ROR2: variants seen among roughly 807,000 people sequenced by gnomAD.
ROR2 encodes the protein tyrosine-protein kinase transmembrane receptor ROR2.
In ROR2, 33 loss-of-function variants were observed where a neutral mutation model predicts 74.9. The ratio of observed to expected loss-of-function variants is 0.44; its 90% CI spans 0.33 to 0.59. The LOEUF (loss-of-function observed/expected upper bound fraction) is 0.59. Among genes scored for constraint, ROR2 ranks in the 20% least tolerant of loss-of-function variants. ROR2 has a pLI of 0.02. For synonymous variants in ROR2, 586 were observed against 558.7 expected (o/e 1.05, Z -0.69); for missense variants, 1,216 against 1,313.8 (o/e 0.93, Z 1.15).
chr9:91,803,980 G>A (rs1430722990), intron 1 of ROR2, among the ~76,000 whole-genome samples: 1 of 152,198 alleles, frequency 6.6e-6, no homozygotes, highest in African/African-American at 2.4e-5. Flanking sequence ...TCTCTTCTCT[G>A]GATGAAAAGA....
In ROR2 at chr9:91,741,192, C is replaced by T. The variant is rs1055790577; in HGVS notation, c.495-3674G>A. On this transcript the variant is annotated intron_variant, in intron 4 of 8. Transcript: ENST00000375708. ...GTGCACACCTGTAGTCCCAGCTACT[C>T]GGGAGGCTGAGGCAGGGGAATCGCT... 2.0e-5 allele frequency among the ~76,000 whole-genome samples: 3 copies of T among 151,642 alleles called. No homozygotes were observed. The South Asian group carries it at 6.3e-4, about 32-fold the overall frequency.
intron 2 of ROR2, among the ~76,000 whole-genome samples, chr9:91,769,291 G>A (rs1018965006): frequency 6.6e-5 from 10 of 152,234 alleles, no homozygotes; most frequent in East Asian, 3.9e-4. Context: ...CAAGCCTCCC[G>A]TGTCCTCGTA....
At chr9:91,809,373 GA>G (rs1827672051) in intron 1 of ROR2, among the ~76,000 whole-genome samples, 1 of 152,198 alleles carries the variant, frequency 6.6e-6, no homozygotes, top group South Asian at 2.1e-4. Context: ...AACCCACCAG[GA>G]ACAGTGGGCA....
chr9:91,904,021 T>C (rs537869004), intron 1 of ROR2, among the ~76,000 whole-genome samples: 16 of 150,014 alleles, frequency 1.1e-4, no homozygotes, highest in Non-Finnish European at 2.1e-4. Flanking sequence ...TCCTTTTTTT[T>C]GATTTTTTGT....
intron 1 of ROR2, among the ~76,000 whole-genome samples, chr9:91,869,913 T>C (rs1045902818): frequency 2.6e-5 from 4 of 152,228 alleles, no homozygotes; most frequent in Non-Finnish European, 5.9e-5. Flanking sequence ...CCTGTTAAAA[T>C]GTGTGTCTAT....
At chr9:91,737,680 T>C (rs993391315) in intron 4 of ROR2, among the ~76,000 whole-genome samples, 162 bp from the exon 5 acceptor site, 1 of 152,196 alleles carries the variant, frequency 6.6e-6, no homozygotes, top group Non-Finnish European at 1.5e-5. Flanking sequence ...CAAAAACCTG[T>C]ATGTAAATGT....
chr9:91,847,502 C>T (rs901053304), intron 1 of ROR2, among the ~76,000 whole-genome samples: 1 of 152,206 alleles, frequency 6.6e-6, no homozygotes, highest in Non-Finnish European at 1.5e-5. Flanking sequence ...GCAGTCCCCC[C>T]ACTTCCCACA....
intron 1 of ROR2, among the ~76,000 whole-genome samples, chr9:91,928,550 A>G (rs191267380): frequency 1.3e-5 from 2 of 152,248 alleles, no homozygotes; most frequent in South Asian, 2.1e-4. Context: ...CTCATGGGAG[A>G]GCAGAGTCTT....
In ROR2 at chr9:91,772,008, G is replaced by A. The variant is rs565480330; in HGVS notation, c.175+3733C>T. ...GTGATTAGGCCAAATGTGGCCAAGC[G>A]TGACATTCCCAGAAGCTCTATGAGC... On this transcript the variant is annotated intron_variant, in intron 2 of 8. Coordinates refer to ENST00000375708, the MANE Select transcript of ROR2 (RefSeq NM_004560.4). Among the ~76,000 whole-genome samples the A allele has an allele frequency of 8.5e-5, 13 of 152,346 alleles. No homozygotes were observed. In the East Asian group the frequency reaches 1.2e-3, roughly 14 times the overall value.
intron 1 of ROR2, among the ~76,000 whole-genome samples, chr9:91,892,858 G>A (rs962944510): frequency 6.6e-6 from 1 of 152,072 alleles, no homozygotes; most frequent in African/African-American, 2.4e-5. Context: ...CCAAAGTGCT[G>A]GGAATACAGG....
intron 4 of ROR2, among the ~76,000 whole-genome samples, chr9:91,746,948 C>T (rs1036099191): frequency 2.0e-5 from 3 of 152,148 alleles, no homozygotes; most frequent in South Asian, 2.1e-4. Flanking sequence ...CAGCAACACA[C>T]GCCAGCCAAG....
chr9:91,797,040 G>T (rs1405332177), intron 1 of ROR2, among the ~76,000 whole-genome samples: 1 of 107,166 alleles, frequency 9.3e-6, no homozygotes, highest in African/African-American at 3.9e-5. Flanking sequence ...ATCTGTGGAT[G>T]GGGCTGACAC....
chr9:91,946,779 T>A (rs1422759163), intron 1 of ROR2, among the ~76,000 whole-genome samples: 1 of 152,242 alleles, frequency 6.6e-6, no homozygotes, highest in Non-Finnish European at 1.5e-5. Context: ...TTTCCCATCC[T>A]GGCCTCTCAG....
chr9:91,868,684 G>A (rs528605283), intron 1 of ROR2, among the ~76,000 whole-genome samples: 2 of 152,338 alleles, frequency 1.3e-5, no homozygotes, highest in East Asian at 3.9e-4. Flanking sequence ...AGTGCTCAAA[G>A]ACACAGACAA....
chr9:91,782,627 A>AGTGTAC (rs139561969), intron 1 of ROR2, among the ~76,000 whole-genome samples: 35,001 of 149,114 alleles, frequency 0.23, 4,373 homozygotes, highest in Middle Eastern at 0.36. Context: ...GTTTTAAGAA[A>AGTGTAC]GAAGTTGTGT....
intron 4 of ROR2, among the ~76,000 whole-genome samples, chr9:91,755,433 C>A (rs4467996): frequency 0.63 from 95,747 of 152,192 alleles, 30,399 homozygotes; most frequent in African/African-American, 0.71. Flanking sequence ...TCTCAAACAC[C>A]GGCAATGGAA....
intron 1 of ROR2, among the ~76,000 whole-genome samples, chr9:91,822,721 A>T (rs1828172048): frequency 2.0e-5 from 3 of 152,224 alleles, no homozygotes; most frequent in African/African-American, 7.2e-5. Flanking sequence ...TACTCAGGAC[A>T]GGCAGAAATA....
rs1836959001 is a variant in ROR2, at chr9:91,724,834, T to G, written c.1660A>C (p.Ser554Arg). 6.2e-7 allele frequency: 1 copy of G among 1,605,194 alleles called. No individual in the cohort carries two copies. The highest frequency in any genetic ancestry group is 1.3e-5 in the African/African-American group (1 of 74,804). The change falls in exon 9 of 9, where the codon AGC becomes CGC. Residue 554 changes from serine (S) to arginine (R), a missense_variant. By Grantham distance (110) the Ser-to-Arg change is moderately radical. Coordinates refer to ENST00000375708, the MANE Select transcript of ROR2 (RefSeq NM_004560.4). ...TGGAGGTCGCCGTGCGAACAGTAGC[T>G]GAAGATCATGCTCAGGGGCTGGTCC... ...TKDQPLSMIF[S>R]YCSHGDLHEF...
At position 91,733,195 on chromosome 9, in the gene ROR2, C is replaced by T. The variant is rs142926399; in HGVS notation, c.864G>A (p.Ala288=). ...CGTCGGGGCTCTCAGGCATGGGCAG[C>T]GCCTCACACTTGGGCAGCTGAAGCC... ...LMRLQLPKCE[A]LPMPESPDAA... Residue 288 remains alanine (A), a synonymous_variant, in exon 6 of 9, where the codon GCG becomes GCA. Coordinates refer to ENST00000375708, the MANE Select transcript of ROR2 (RefSeq NM_004560.4). The surrounding 1 kb of genome is among the most constrained non-coding windows in gnomAD (Gnocchi z 5.7). 89 of 1,610,670 alleles carry T rather than the reference C, an allele frequency of 5.5e-5. No homozygotes were observed. Among genetic ancestry groups the T allele is most frequent in the Non-Finnish European group, 7.1e-5 (84 of 1,179,124 alleles).
Sources: allele counts gnomAD v4.1 joint callset (sites outside exome capture counted in the v4.1 genomes callset), GRCh38; gene constraint gnomAD v4.1.1; non-coding constraint Gnocchi (gnomAD v3.1); transcripts MANE v1.5; gene names NCBI Gene and HGNC (gene_info 2026-07-23, HGNC 2026-07-21).